The following ITGBL1 variants were observed in gnomAD, a reference collection of about 807,000 sequenced individuals.
The protein encoded by ITGBL1 is integrin beta-like protein 1.
In ITGBL1, 51 loss-of-function variants were observed where a neutral mutation model predicts 68.5. That is an observed-to-expected ratio of 0.74 (90% CI 0.59 to 0.94). The LOEUF (loss-of-function observed/expected upper bound fraction) is 0.94, where lower values mean the gene tolerates loss of function less well. ITGBL1 is among the 40% of genes least tolerant of loss of function. The pLI, the probability that ITGBL1 is intolerant of heterozygous loss-of-function variation, is 0.00. For missense variants in ITGBL1, 649 were observed against 647.4 expected, an observed-to-expected ratio of 1.00 and a Z score of -0.03; for synonymous variants, 209 against 227.3, an observed-to-expected ratio of 0.92 and a Z score of 0.72.
intron 2 of ITGBL1, among the ~76,000 whole-genome samples, chr13:101,549,864 A>G (rs1199296270): frequency 2.0e-5 from 3 of 152,124 alleles, no homozygotes; most frequent in East Asian, 1.9e-4. Context: ...GGCTATATCT[A>G]TTAACAATGT....
At chr13:101,542,459 G>C (rs145654249) in intron 2 of ITGBL1, among the ~76,000 whole-genome samples, 201 of 152,308 alleles carry the variant, frequency 1.3e-3, no homozygotes, top group African/African-American at 4.4e-3. Flanking sequence ...ATTTGCTGAG[G>C]AGTGCTTTAC....
intron 2 of ITGBL1, among the ~76,000 whole-genome samples, chr13:101,565,862 C>T (rs2050175920): frequency 1.3e-5 from 2 of 151,914 alleles, no homozygotes; most frequent in Admixed American, 6.6e-5. Flanking sequence ...TCTATTGATG[C>T]GTCATTGGGT....
intron 2 of ITGBL1, among the ~76,000 whole-genome samples, chr13:101,499,303 A>G (rs369035195): frequency 2.6e-5 from 4 of 152,164 alleles, no homozygotes; most frequent in African/African-American, 9.7e-5. Flanking sequence ...GTGTTGCTGG[A>G]TATTTCTGCT....
intron 7 of ITGBL1, among the ~76,000 whole-genome samples, chr13:101,652,888 G>A (rs945611582): frequency 1.4e-4 from 21 of 151,938 alleles, no homozygotes; most frequent in Admixed American, 1.1e-3. Flanking sequence ...ACTGGAGGTC[G>A]AGAGTTTGAG....
chr13:101,705,827 GAGCAGGGAC>G lies in ITGBL1; in HGVS notation c.1133-928_1133-920del, dbSNP rs1385209872. On this transcript the variant is annotated intron_variant, in intron 8 of 10. Coordinates refer to ENST00000376180, the MANE Select transcript of ITGBL1 (RefSeq NM_004791.3). The stretch of plus-strand genomic sequence containing the variant: ...ATGAGCGTATCTGTCCCTGGGAGAA[GAGCAGGGAC>G]CACTTTGTCCATGGTGCTTGATTTT... 2.4e-4 allele frequency among the ~76,000 whole-genome samples: 37 copies of G among 152,202 alleles called. No individual in the cohort carries two copies. The East Asian group carries it at 2.7e-3, about 11-fold the overall frequency.
chr13:101,502,092 A>T (rs2048952406), intron 2 of ITGBL1, among the ~76,000 whole-genome samples: 1 of 152,194 alleles, frequency 6.6e-6, no homozygotes, highest in Admixed American at 6.5e-5. Context: ...TAATTTAGGG[A>T]TTAATGGATA....
At chr13:101,693,479 T>C (rs1314342630) in intron 8 of ITGBL1, among the ~76,000 whole-genome samples, 1 of 152,166 alleles carries the variant, frequency 6.6e-6, no homozygotes, top group African/African-American at 2.4e-5. Context: ...AGTTCAGGGA[T>C]GCATAGGTAG....
intron 4 of ITGBL1, among the ~76,000 whole-genome samples, chr13:101,576,236 ATAG>A (rs1453566551): frequency 1.3e-5 from 2 of 152,290 alleles, no homozygotes; most frequent in African/African-American, 4.8e-5. Flanking sequence ...TCCACCAATA[ATAG>A]TAGAATTTGG....
chr13:101,500,429 A>G (rs1263560998), intron 2 of ITGBL1, among the ~76,000 whole-genome samples: 1 of 152,200 alleles, frequency 6.6e-6, no homozygotes, highest in African/African-American at 2.4e-5. Context: ...ATGCTATATT[A>G]TTATATCTGT....
intron 2 of ITGBL1, among the ~76,000 whole-genome samples, chr13:101,564,753 T>C (rs1164156386): frequency 6.6e-6 from 1 of 150,870 alleles, no homozygotes; most frequent in Non-Finnish European, 1.5e-5. Context: ...TGTGTATATG[T>C]ACATATATGT....
chr13:101,569,435 C>T (rs9554807), intron 3 of ITGBL1, among the ~76,000 whole-genome samples: 37,993 of 151,974 alleles, frequency 0.25, 5,477 homozygotes, highest in East Asian at 0.45. Context: ...ACAATGTAAA[C>T]GCATTTCTAG....
chr13:101,592,414 G>C (rs555617531), intron 6 of ITGBL1, among the ~76,000 whole-genome samples: 3 of 152,042 alleles, frequency 2.0e-5, no homozygotes, highest in Non-Finnish European at 4.4e-5. Context: ...ATCTGCGGTC[G>C]TGTCAAAAAT....
chr13:101,690,793 T>TTTTA, intron 7 of ITGBL1, among the ~76,000 whole-genome samples: 1 of 152,198 alleles, frequency 6.6e-6, no homozygotes, highest in Non-Finnish European at 1.5e-5. Context: ...CATGGATCCT[T>TTTTA]CTGACATTTT....
In ITGBL1 at chr13:101,575,409, G is replaced by T. The variant is rs374758363; in HGVS notation, c.464-15G>T. On this transcript the variant is annotated splice_polypyrimidine_tract_variant and intron_variant, in intron 3 of 10. Coordinates refer to ENST00000376180, the MANE Select transcript of ITGBL1 (RefSeq NM_004791.3). The stretch of plus-strand genomic sequence containing the variant: ...GTGCATGTAACAAACAGTCTTTTTT[G>T]TTTTCATGGTTTAGGTACATGTCAC... 4 of 1,601,910 alleles carry T rather than the reference G, an allele frequency of 2.5e-6. No homozygotes were observed. Among genetic ancestry groups the T allele is most frequent in the Admixed American group, 1.7e-5 (1 of 57,348 alleles).
At chr13:101,623,098 G>A (rs533502801) in intron 7 of ITGBL1, among the ~76,000 whole-genome samples, 2 of 152,088 alleles carry the variant, frequency 1.3e-5, no homozygotes, top group East Asian at 3.9e-4. Context: ...AATCACTGAC[G>A]CTTGTTAATG....
chr13:101,692,936 T>A (rs1186661345), intron 8 of ITGBL1: 2 of 396,240 alleles, frequency 5.0e-6, no homozygotes, highest in Non-Finnish European at 9.0e-6. Flanking sequence ...AAAAGATCAT[T>A]GAATCTAAGT....
intron 9 of ITGBL1, among the ~76,000 whole-genome samples, chr13:101,709,881 A>G (rs1566802124): frequency 6.6e-6 from 1 of 152,246 alleles, no homozygotes; most frequent in East Asian, 1.9e-4. Context: ...TCCTAAACTG[A>G]AGGTCATGTA....
intron 7 of ITGBL1, among the ~76,000 whole-genome samples, chr13:101,666,274 C>T (rs2033215000): frequency 6.6e-6 from 1 of 152,098 alleles, no homozygotes; most frequent in Admixed American, 6.6e-5. Flanking sequence ...TTCCAGGAGT[C>T]ACCTTTTCTG....
At chr13:101,584,913 TGGG>T (rs2050525835) in intron 6 of ITGBL1, among the ~76,000 whole-genome samples, 1 of 151,738 alleles carries the variant, frequency 6.6e-6, no homozygotes, top group African/African-American at 2.4e-5. Flanking sequence ...ACAGTGCATG[TGGG>T]TTTTATCCTA....
Sources: allele counts gnomAD v4.1 joint callset (sites outside exome capture counted in the v4.1 genomes callset), GRCh38; gene constraint gnomAD v4.1.1; transcripts MANE v1.5; gene names NCBI Gene and HGNC (gene_info 2026-07-23, HGNC 2026-07-21).